PIK3C3: variants seen among roughly 807,000 people sequenced by gnomAD.
PIK3C3 encodes PI3-kinase type 3.
In PIK3C3, 95 loss-of-function variants were observed where a neutral mutation model predicts 126.1. The observed-to-expected ratio is 0.75, with a 90% CI of 0.64 to 0.89. The LOEUF (loss-of-function observed/expected upper bound fraction) is 0.89. Ranked by LOEUF, PIK3C3 falls within the 40% of genes least tolerant of loss-of-function variation. The pLI, the probability that PIK3C3 is intolerant of heterozygous loss-of-function variation, is 0.00. For synonymous variants in PIK3C3, 374 were observed against 360.0 expected, an observed-to-expected ratio of 1.04 and a Z score of -0.44; for missense variants, 829 against 1,063.2, an observed-to-expected ratio of 0.78 and a Z score of 3.06.
chr18:42,036,948 A>C (rs1984081597), intron 16 of PIK3C3, among the ~76,000 whole-genome samples: 1 of 152,232 alleles, frequency 6.6e-6, no homozygotes, highest in South Asian at 2.1e-4. Context: ...ACACGGTCAG[A>C]ACTTTGTTTC....
intron 12 of PIK3C3, among the ~76,000 whole-genome samples, chr18:42,020,069 A>G (rs1243512274): frequency 1.3e-5 from 2 of 152,148 alleles, no homozygotes; most frequent in African/African-American, 2.4e-5. Flanking sequence ...TTCACAGGAC[A>G]ACCAGTCATT....
intron 19 of PIK3C3, 152 bp from the exon 20 acceptor site, chr18:42,043,581 C>A: frequency 2.0e-6 from 1 of 512,386 alleles, no homozygotes; most frequent in Non-Finnish European, 3.5e-6. Flanking sequence ...ATTTATCGCA[C>A]TCTTACAATT....
At position 42,056,404 on chromosome 18, in the gene PIK3C3, G is replaced by A. The variant is rs75843946; in HGVS notation, c.2264-1479G>A. 8.3e-3 allele frequency among the ~76,000 whole-genome samples: 1,263 copies of A among 152,196 alleles called. 13 individuals are homozygous for A. Among genetic ancestry groups the A allele is most frequent in the African/African-American group, 0.028 (1,154 of 41,536 alleles). On this transcript the variant is annotated intron_variant, in intron 21 of 24. Transcript: ENST00000262039. ...TTGGAATTCCAGTAATTCCTGTCAT[G>A]AAATGAAGAAAACTGGGATAGGTTT... is the stretch of plus-strand genomic sequence containing the variant.
intron 15 of PIK3C3, among the ~76,000 whole-genome samples, chr18:42,031,326 GTTGT>G (rs1056539660): frequency 6.6e-6 from 1 of 152,182 alleles, no homozygotes; most frequent in African/African-American, 2.4e-5. Flanking sequence ...AGATGATAAT[GTTGT>G]CTTCTTTCCT....
At chr18:41,961,280 GTTAATTAAC>G (rs1458622667) in intron 2 of PIK3C3, among the ~76,000 whole-genome samples, 10 of 152,136 alleles carry the variant, frequency 6.6e-5, no homozygotes, top group Non-Finnish European at 1.2e-4. Context: ...TTTAGCCAGT[GTTAATTAAC>G]TTCTGTGGTT....
chr18:41,981,653 G>T (rs73950824), intron 4 of PIK3C3, among the ~76,000 whole-genome samples: 3,754 of 152,026 alleles, frequency 0.025, 141 homozygotes, highest in African/African-American at 0.086. Context: ...CATTTTGTCT[G>T]AAGTTATAAA....
intron 16 of PIK3C3, among the ~76,000 whole-genome samples, chr18:42,034,740 G>T (rs1983973232): frequency 6.6e-6 from 1 of 152,128 alleles, no homozygotes; most frequent in Non-Finnish European, 1.5e-5. Flanking sequence ...TGTGAGACAT[G>T]GTGCTTTATG....
At chr18:42,056,103 G>T (rs142351325) in intron 21 of PIK3C3, among the ~76,000 whole-genome samples, 44 of 151,808 alleles carry the variant, frequency 2.9e-4, no homozygotes, top group African/African-American at 1.0e-3. Context: ...TTCATTATGT[G>T]TATTTTTTGA....
At chr18:42,050,559 T>A (rs1235969852) in intron 21 of PIK3C3, 1 of 152,252 alleles carries the variant, frequency 6.6e-6, no homozygotes, top group Non-Finnish European at 1.5e-5. Flanking sequence ...CAACATCACC[T>A]ACCCAGTTGT....
chr18:42,048,197 T>C (rs1984640819), intron 20 of PIK3C3, among the ~76,000 whole-genome samples: 1 of 152,222 alleles, frequency 6.6e-6, no homozygotes, highest in African/African-American at 2.4e-5. Flanking sequence ...TATTTTCTCT[T>C]TTGTGACAAA....
intron 6 of PIK3C3, among the ~76,000 whole-genome samples, chr18:41,990,802 T>C (rs185072177): frequency 6.6e-6 from 1 of 152,338 alleles, no homozygotes; most frequent in East Asian, 1.9e-4. Context: ...AAAAACTTTG[T>C]GATTAATTGT....
In PIK3C3 at chr18:41,996,617, CTTTTTCTT is replaced by C; in HGVS notation, c.892-15_892-8del. 1 of 1,279,530 alleles carries C rather than the reference CTTTTTCTT, an allele frequency of 7.8e-7. No individual in the cohort carries two copies. Among genetic ancestry groups the C allele is most frequent in the African/African-American group, 1.5e-5 (1 of 66,310 alleles). The allele number at this position is 1,279,530 out of a possible 1,614,324, so 79.3% of individuals were successfully genotyped here. On this transcript the variant is annotated splice_polypyrimidine_tract_variant and intron_variant, in intron 8 of 24. Transcript: ENST00000262039. ...ACATGTATTGTTGACAAAATTAGTT[CTTTTTCTT>C]TTTTTGTTTTAGATTATTGTGAGTT...
At chr18:41,970,224 T>C (rs779175119) in intron 3 of PIK3C3, 103 bp from the exon 4 acceptor site, 31 of 958,938 alleles carry the variant, frequency 3.2e-5, no homozygotes, top group South Asian at 2.4e-4. Context: ...AGTGGAGATA[T>C]ACATTTCCAT....
At chr18:42,014,424 C>T (rs534011901) in intron 11 of PIK3C3, among the ~76,000 whole-genome samples, 51 of 152,232 alleles carry the variant, frequency 3.4e-4, no homozygotes, top group Middle Eastern at 6.8e-3. Context: ...CACTGTACCA[C>T]GTGTCCACAC....
At chr18:42,046,750 TG>T (rs1452059796) in intron 20 of PIK3C3, among the ~76,000 whole-genome samples, 1 of 152,140 alleles carries the variant, frequency 6.6e-6, no homozygotes, top group Non-Finnish European at 1.5e-5. Flanking sequence ...TCAAATGTTT[TG>T]TTGTTATTTT....
intron 4 of PIK3C3, among the ~76,000 whole-genome samples, chr18:41,974,100 A>G (rs1456402064): frequency 6.6e-6 from 1 of 152,206 alleles, no homozygotes; most frequent in Non-Finnish European, 1.5e-5. Context: ...TTACTCACTT[A>G]TAGAACTACT....
chr18:42,013,230 C>T (rs551815269), intron 10 of PIK3C3, among the ~76,000 whole-genome samples: 2 of 150,918 alleles, frequency 1.3e-5, no homozygotes, highest in South Asian at 2.1e-4. Flanking sequence ...CCCTCATGCT[C>T]TTCTCTAAGG....
At position 42,086,770 on chromosome 18, in the gene PIK3C3, A is replaced by T. The variant is rs1986408006; in HGVS notation, c.*5633A>T. The T allele has an allele frequency of 6.6e-6, 1 of 152,200 alleles. No homozygotes were observed. The highest frequency in any genetic ancestry group is 1.5e-5 in the Non-Finnish European group (1 of 68,038). 9.4% of individuals were successfully genotyped at this position (152,200 alleles called of 1,614,324 possible). ...GAATTTCCTTGAAAATTCATGAATA[A>T]TCCACCCCTTGTTTAGCATATGATC... On this transcript the variant is annotated 3_prime_UTR_variant, in exon 25 of 25. Coordinates refer to ENST00000262039, the MANE Select transcript of PIK3C3 (RefSeq NM_002647.4).
intron 16 of PIK3C3, 151 bp downstream of exon 16, chr18:42,034,108 T>C: frequency 2.1e-6 from 1 of 474,590 alleles, no homozygotes; most frequent in South Asian, 5.2e-5. Flanking sequence ...ACCTTTTATT[T>C]ATCAGTGTGT....
Sources: gnomAD v4.1 joint callset for allele counts (sites outside exome capture counted in the v4.1 genomes callset) on GRCh38, gnomAD v4.1.1 for gene constraint, MANE v1.5 for transcripts, NCBI Gene and HGNC (gene_info 2026-07-23, HGNC 2026-07-21) for gene names.